Variants in ARMC9 observed in about 807,000 individuals in gnomAD.
The protein encoded by ARMC9 is lisH domain-containing protein ARMC9.
In ARMC9, 94 loss-of-function variants were observed where a neutral mutation model predicts 107.0. The ratio of observed to expected loss-of-function variants is 0.88; its 90% CI spans 0.74 to 1.04. The LOEUF (loss-of-function observed/expected upper bound fraction) is 1.04. Ranked by LOEUF, ARMC9 falls within the 50% of genes least tolerant of loss-of-function variation. ARMC9 has a pLI of 0.00. For synonymous variants in ARMC9, 380 were observed against 396.9 expected (o/e 0.96, Z 0.51); for missense variants, 942 against 1,030.1 (o/e 0.91, Z 1.17).
At chr2:231,273,916 C>G (rs1234327523) in intron 14 of ARMC9, among the ~76,000 whole-genome samples, 1 of 152,158 alleles carries the variant, frequency 6.6e-6, no homozygotes, top group African/African-American at 2.4e-5. Flanking sequence ...TTCCTACCCC[C>G]AGTCCCCGGT....
intron 8 of ARMC9, among the ~76,000 whole-genome samples, chr2:231,237,175 CGTGT>C (rs58607252): frequency 0.019 from 2,844 of 148,750 alleles, 46 homozygotes; most frequent in Non-Finnish European, 0.024. Flanking sequence ...TCTGCGTATG[CGTGT>C]GTGTGTGTGT....
intron 7 of ARMC9, among the ~76,000 whole-genome samples, chr2:231,234,323 G>A (rs577885857): frequency 6.6e-6 from 1 of 152,296 alleles, no homozygotes; most frequent in East Asian, 1.9e-4. Context: ...TGCCCACGGG[G>A]GGATTCCAAG....
rs1489556010 is a variant in ARMC9 at position 231,262,380 on chromosome 2, C to CT, written c.1102dup (p.Cys368LeufsTer3). The CT allele has an allele frequency of 6.8e-6, 11 of 1,614,132 alleles. No individual in the cohort carries two copies. Among genetic ancestry groups the CT allele is most frequent in the Non-Finnish European group, 8.5e-6 (10 of 1,179,990 alleles). Reference sequence around the variant, plus strand: ...CCTACATCAGCAATGACCTCTTGGACTGTTATAGCCACAACCAGGTTGGTA... The same window carrying CT: ...CCTACATCAGCAATGACCTCTTGGACTTGTTATAGCCACAACCAGGTTGGTA... On this transcript the variant is annotated frameshift_variant, in exon 12 of 25. Transcript: ENST00000611582. LOFTEE classifies it high-confidence loss of function.
chr2:231,271,560 T>C (rs1430330343), intron 13 of ARMC9, among the ~76,000 whole-genome samples: 1 of 152,206 alleles, frequency 6.6e-6, no homozygotes, highest in Non-Finnish European at 1.5e-5. Context: ...TTTAAAATGA[T>C]TTTGCAAAGT....
intron 23 of ARMC9, among the ~76,000 whole-genome samples, chr2:231,369,315 CAG>C (rs2045929082): frequency 6.6e-6 from 1 of 151,782 alleles, no homozygotes; most frequent in Non-Finnish European, 1.5e-5. Context: ...TTTTTTGAGA[CAG>C]AGTCTCACTC....
At chr2:231,364,877 G>A (rs4083254) in intron 23 of ARMC9, among the ~76,000 whole-genome samples, 23,013 of 152,136 alleles carry the variant, frequency 0.15, 4,072 homozygotes, top group African/African-American at 0.43. Context: ...AGCCCACCCC[G>A]TGAGGCACCC....
intron 12 of ARMC9, 54 bp downstream of exon 12, chr2:231,262,452 A>T: frequency 6.9e-7 from 1 of 1,442,516 alleles, no homozygotes; most frequent in Non-Finnish European, 9.8e-7. Context: ...CTAGGGAATG[A>T]TCTTAGCAGA....
intron 19 of ARMC9, among the ~76,000 whole-genome samples, chr2:231,330,401 T>C (rs1030961701): frequency 6.6e-6 from 1 of 152,124 alleles, no homozygotes; most frequent in Non-Finnish European, 1.5e-5. Context: ...CCTCCACTAA[T>C]GCCTCCCTGC....
rs368320125 is a variant in ARMC9 at position 231,353,903 on chromosome 2, A to G, written c.1995-1895A>G. On this transcript the variant is annotated intron_variant, in intron 21 of 24. Coordinates refer to ENST00000611582, the MANE Select transcript of ARMC9 (RefSeq NM_001352754.2). ...ACACTACTGTCGCACAGGTCTTTTC[A>G]GGAGAGGGAGGTAGGGGACATCCAT... Among the ~76,000 whole-genome samples the G allele has an allele frequency of 3.9e-3, 586 of 151,650 alleles. 6 individuals carry two copies. Among genetic ancestry groups the G allele is most frequent in the African/African-American group, 0.013 (550 of 41,332 alleles).
chr2:231,315,961 A>G (rs1049358468), intron 19 of ARMC9, among the ~76,000 whole-genome samples: 1 of 152,212 alleles, frequency 6.6e-6, no homozygotes, highest in Admixed American at 6.5e-5. Flanking sequence ...GGGATTCAGT[A>G]TGCATCTTTC....
intron 16 of ARMC9, among the ~76,000 whole-genome samples, chr2:231,281,437 G>A (rs115544806): frequency 7.9e-4 from 121 of 152,244 alleles, no homozygotes; most frequent in African/African-American, 2.4e-3. Flanking sequence ...TGAGATAGAG[G>A]CCACCCCTTG....
At chr2:231,370,355 T>G (rs1470156913) in intron 24 of ARMC9, among the ~76,000 whole-genome samples, 1 of 152,220 alleles carries the variant, frequency 6.6e-6, no homozygotes, top group Admixed American at 6.5e-5. Context: ...CCCTTTGGCC[T>G]CAGTGACTCA....
chr2:231,288,595 T>C (rs2040771372), intron 17 of ARMC9: 3 of 471,048 alleles, frequency 6.4e-6, no homozygotes, highest in South Asian at 4.6e-5. Context: ...AGTTGTTCTG[T>C]GTAGTGTTCA....
At chr2:231,219,536 C>G (rs1286410375) in intron 5 of ARMC9, among the ~76,000 whole-genome samples, 1 of 152,140 alleles carries the variant, frequency 6.6e-6, no homozygotes, top group Admixed American at 6.5e-5. Context: ...AATTGCCGTT[C>G]CTTTGAAGGT....
chr2:231,348,779 G>C (rs2044914693), intron 21 of ARMC9, among the ~76,000 whole-genome samples: 1 of 152,148 alleles, frequency 6.6e-6, no homozygotes, highest in South Asian at 2.1e-4. Flanking sequence ...CAAAAGATTT[G>C]AATAGACATT....
chr2:231,211,198 G>T (rs1392594342), intron 3 of ARMC9, among the ~76,000 whole-genome samples: 1 of 151,696 alleles, frequency 6.6e-6, no homozygotes, highest in Non-Finnish European at 1.5e-5. Context: ...TGGACACTTG[G>T]GTTGCTTCCA....
Position 231,256,655 on chromosome 2 carries a change from G to GA in ARMC9, c.914+37dup, listed in dbSNP as rs2037847303. The GA allele has an allele frequency of 1.3e-6, 2 of 1,598,724 alleles. 1 individual carries two copies. The highest frequency in any genetic ancestry group is 2.7e-5 in the African/African-American group (2 of 74,594). On this transcript the variant is annotated intron_variant, in intron 10 of 24. Coordinates refer to ENST00000611582, the MANE Select transcript of ARMC9 (RefSeq NM_001352754.2). ...TGCTCTTAGGAATTTTTATTAAGGA[G>GA]AACAGCAATGTGTAAAACGGGAATT... is the stretch of plus-strand genomic sequence containing the variant.
At chr2:231,348,307 T>G (rs935550803) in intron 21 of ARMC9, among the ~76,000 whole-genome samples, 1 of 152,234 alleles carries the variant, frequency 6.6e-6, no homozygotes, top group African/African-American at 2.4e-5. Flanking sequence ...AGCCGAGGAA[T>G]GCAGACACCC....
At chr2:231,248,578 G>A (rs1214698423) in intron 9 of ARMC9, among the ~76,000 whole-genome samples, 1 of 152,068 alleles carries the variant, frequency 6.6e-6, no homozygotes, top group African/African-American at 2.4e-5. Flanking sequence ...GGAGGCCGAG[G>A]CGGGCGGATC....
Sources: allele counts gnomAD v4.1 joint callset (sites outside exome capture counted in the v4.1 genomes callset), GRCh38; gene constraint gnomAD v4.1.1; transcripts MANE v1.5; gene names NCBI Gene and HGNC (gene_info 2026-07-23, HGNC 2026-07-21).